Variants in ZRANB3 observed in about 807,000 individuals in gnomAD.
The protein encoded by ZRANB3 is zinc finger RANBP2-type containing 3, also known as DNA annealing helicase and endonuclease ZRANB3.
Under a neutral mutation model 133.8 loss-of-function variants are expected in ZRANB3, and 125 were observed. That is an observed-to-expected ratio of 0.93 (90% confidence interval 0.81 to 1.08). ZRANB3 has a LOEUF of 1.08. Ranked by LOEUF, ZRANB3 falls within the 50% of genes least tolerant of loss-of-function variation. The pLI is 0.00. For missense variants in ZRANB3, 1,229 were observed against 1,275.5 expected (o/e 0.96, Z 0.56); for synonymous variants, 387 against 432.7 (o/e 0.89, Z 1.31).
At chr2:135,473,958 G>A (rs1691390340) in intron 2 of ZRANB3, among the ~76,000 whole-genome samples, 1 of 152,138 alleles carries the variant, frequency 6.6e-6, no homozygotes, top group South Asian at 2.1e-4. Flanking sequence ...GCTGAAGCAG[G>A]CAGATCAATT....
At chr2:135,416,131 T>A (rs1268798842) in intron 2 of ZRANB3, among the ~76,000 whole-genome samples, 1 of 151,800 alleles carries the variant, frequency 6.6e-6, no homozygotes, top group Admixed American at 6.6e-5. Context: ...GAGAAGGAAA[T>A]AAAGGGCATT....
At position 135,265,490 on chromosome 2, in the gene ZRANB3, AG is replaced by A. The variant is rs544303096; in HGVS notation, c.1539+43del. 187 of 1,541,770 alleles carry A rather than the reference AG, an allele frequency of 1.2e-4. No individual in the cohort carries two copies. The African/African-American group carries it at 2.4e-3, about 19-fold the overall frequency. The stretch of plus-strand genomic sequence containing the variant: ...ACCATACATACAAAGTTATAGTTTC[AG>A]GATACTAAAAAAAATAGAAAAGAGT... On this transcript the variant is annotated intron_variant, in intron 12 of 20. Transcript: ENST00000264159.
intron 12 of ZRANB3, among the ~76,000 whole-genome samples, chr2:135,251,474 C>T (rs1679391167): frequency 6.6e-6 from 1 of 152,132 alleles, no homozygotes; most frequent in South Asian, 2.1e-4. Context: ...GCTGTGTCCC[C>T]ACCCAAATCT....
chr2:135,227,520 C>A (rs539947858), intron 14 of ZRANB3, among the ~76,000 whole-genome samples: 1 of 152,082 alleles, frequency 6.6e-6, no homozygotes, highest in Non-Finnish European at 1.5e-5. Flanking sequence ...AAAACAACAC[C>A]CTTACTGTGT....
chr2:135,381,149 C>T (rs926167043), intron 3 of ZRANB3, among the ~76,000 whole-genome samples: 1 of 152,200 alleles, frequency 6.6e-6, no homozygotes, highest in Admixed American at 6.5e-5. Flanking sequence ...GTCACTCCCA[C>T]CCTAATACTG....
intron 6 of ZRANB3, among the ~76,000 whole-genome samples, chr2:135,339,606 T>G (rs1368325798): frequency 1.3e-5 from 2 of 152,186 alleles, no homozygotes; most frequent in Admixed American, 1.3e-4. Flanking sequence ...ACAGATGGTA[T>G]AGCCATAACA....
chr2:135,501,620 C>T (rs1692950946), intron 2 of ZRANB3, among the ~76,000 whole-genome samples: 1 of 152,098 alleles, frequency 6.6e-6, no homozygotes, highest in Non-Finnish European at 1.5e-5. Flanking sequence ...TCGTGCATTA[C>T]TTTCAGATGG....
At chr2:135,515,358 G>A (rs904740811) in intron 1 of ZRANB3, among the ~76,000 whole-genome samples, 5 of 151,662 alleles carry the variant, frequency 3.3e-5, no homozygotes, top group African/African-American at 7.3e-5. Flanking sequence ...GCTAGCTTTT[G>A]AATTTGTTTG....
chr2:135,218,749 C>A lies in ZRANB3; in HGVS notation c.2352+328G>T, dbSNP rs183021371. On this transcript the variant is annotated intron_variant, in intron 16 of 20. Transcript: ENST00000264159. Reference sequence around the variant, plus strand: ...GGAATTTGTCATTGTTAGAACTTAACCTTAATAGAAAAAATGTGATTCTAG... The same window carrying A: ...GGAATTTGTCATTGTTAGAACTTAAACTTAATAGAAAAAATGTGATTCTAG... Among the ~76,000 whole-genome samples the A allele has an allele frequency of 2.5e-4, 38 of 152,174 alleles. No homozygotes were observed. In the East Asian group the frequency reaches 6.2e-3, roughly 25 times the overall value.
At chr2:135,309,975 T>G (rs2104819826) in intron 8 of ZRANB3, among the ~76,000 whole-genome samples, 1 of 152,326 alleles carries the variant, frequency 6.6e-6, no homozygotes, top group Admixed American at 6.5e-5. Flanking sequence ...CTTGCTCTGT[T>G]GCCCAGGTTG....
Position 135,353,480 on chromosome 2 carries a change from A to T in ZRANB3, c.329T>A (p.Ile110Asn). ...KWIPELSPEE[I>N]NVIQNKTDVR... ...ATCAGTTTTATTCTGAATAACATTG[A>T]TTTCTTCTGGACTTAGCTCTGGGAT... The change falls in exon 4 of 21, where the codon ATC becomes AAC. Residue 110 changes from isoleucine to asparagine, a missense_variant. Transcript: ENST00000264159. 6.2e-7 allele frequency: 1 copy of T among 1,600,690 alleles called. No homozygotes were observed. The highest frequency in any genetic ancestry group is 8.5e-7 in the Non-Finnish European group (1 of 1,174,964).
chr2:135,322,117 T>C (rs553665681), intron 6 of ZRANB3, among the ~76,000 whole-genome samples: 1 of 152,186 alleles, frequency 6.6e-6, no homozygotes, highest in African/African-American at 2.4e-5. Flanking sequence ...TCCAAGAGCA[T>C]GTATTGAAAA....
At chr2:135,405,803 T>C (rs1001501181) in intron 2 of ZRANB3, among the ~76,000 whole-genome samples, 1 of 152,218 alleles carries the variant, frequency 6.6e-6, no homozygotes, top group South Asian at 2.1e-4. Context: ...CCAGAATCTC[T>C]GGGACACATT....
At chr2:135,301,185 A>ATT (rs765150218) in intron 8 of ZRANB3, among the ~76,000 whole-genome samples, 9 of 135,960 alleles carry the variant, frequency 6.6e-5, no homozygotes, top group Admixed American at 1.5e-4. Context: ...TAATATGTTT[A>ATT]TTTTTTTTTT....
intron 13 of ZRANB3, among the ~76,000 whole-genome samples, chr2:135,229,849 G>T (rs1489566680): frequency 2.6e-5 from 4 of 151,748 alleles, no homozygotes; most frequent in African/African-American, 9.7e-5. Flanking sequence ...GACAACCACG[G>T]GTATTAATAA....
chr2:135,331,890 T>C (rs958675838), intron 6 of ZRANB3, among the ~76,000 whole-genome samples: 3 of 152,104 alleles, frequency 2.0e-5, no homozygotes, highest in Admixed American at 6.6e-5. Context: ...TAAGAAAATG[T>C]TTTTTTCTAT....
At chr2:135,495,825 A>G (rs1692637225) in intron 2 of ZRANB3, among the ~76,000 whole-genome samples, 1 of 152,198 alleles carries the variant, frequency 6.6e-6, no homozygotes, top group Non-Finnish European at 1.5e-5. Context: ...AGGGGTATTC[A>G]GTGTATCAGA....
At chr2:135,414,861 A>G (rs1315306551) in intron 2 of ZRANB3, among the ~76,000 whole-genome samples, 1 of 152,196 alleles carries the variant, frequency 6.6e-6, no homozygotes, top group Non-Finnish European at 1.5e-5. Context: ...ACTACTGGGT[A>G]TATAACAAAA....
chr2:135,316,738 C>T (rs779260286), intron 6 of ZRANB3, among the ~76,000 whole-genome samples: 8 of 152,052 alleles, frequency 5.3e-5, no homozygotes, highest in South Asian at 2.1e-4. Flanking sequence ...GACGCCAAGG[C>T]GAGCAGATCA....
Sources: allele counts gnomAD v4.1 joint callset (sites outside exome capture counted in the v4.1 genomes callset), GRCh38; gene constraint gnomAD v4.1.1; transcripts MANE v1.5; gene names NCBI Gene and HGNC (gene_info 2026-07-23, HGNC 2026-07-21).